GLIS1: variants seen among roughly 807,000 people sequenced by gnomAD.
GLIS1 encodes zinc finger protein GLIS1.
Under a neutral mutation model 63.8 loss-of-function variants are expected in GLIS1, and 24 were observed. That is an observed-to-expected ratio of 0.38 (90% confidence interval 0.27 to 0.53). The LOEUF is 0.53. Among genes scored for constraint, GLIS1 ranks in the 20% least tolerant of loss-of-function variants. The pLI, the probability that GLIS1 is intolerant of heterozygous loss-of-function variation, is 0.85. For missense variants in GLIS1, 1,036 were observed against 1,074.1 expected (o/e 0.96, Z 0.50); for synonymous variants, 450 against 482.5 (o/e 0.93, Z 0.88).
chr1:53,637,009 C>T (rs750613244), intron 2 of GLIS1, among the ~76,000 whole-genome samples: 6 of 152,220 alleles, frequency 3.9e-5, no homozygotes, highest in Non-Finnish European at 7.3e-5. Flanking sequence ...TGCTGCAGGA[C>T]GTGAGGGTGA....
intron 4 of GLIS1, among the ~76,000 whole-genome samples, chr1:53,588,208 G>C (rs762945674): frequency 6.6e-6 from 1 of 152,094 alleles, no homozygotes; most frequent in Non-Finnish European, 1.5e-5. Flanking sequence ...TCCCCTCCCT[G>C]TCTCCATCAT....
Position 53,657,561 on chromosome 1 carries a change from G to C in GLIS1, c.260-57283C>G, listed in dbSNP as rs1398591189. 2.0e-5 allele frequency among the ~76,000 whole-genome samples: 3 copies of C among 152,130 alleles called. No individual in the cohort carries two copies. In the East Asian group the frequency reaches 5.8e-4, roughly 29 times the overall value. On this transcript the variant is annotated intron_variant, in intron 2 of 10. Coordinates refer to ENST00000628545, the MANE Select transcript of GLIS1 (RefSeq NM_001367484.1). ...TTCCCTCTTGGTTTCCTGGAGCCCT[G>C]AGCTACCACGTGAGAAGCCTGATGC...
chr1:53,655,315 C>T lies in GLIS1; in HGVS notation c.260-55037G>A, dbSNP rs141416115. Among the ~76,000 whole-genome samples the T allele has an allele frequency of 4.5e-3, 688 of 152,278 alleles. 2 individuals carry two copies. Among genetic ancestry groups the T allele is most frequent in the African/African-American group, 0.016 (660 of 41,540 alleles). ...GAGGTTTGATAATCACTGCTCTAGA[C>T]GAGTTGTCTCCAACTTTTTTGATCT... On this transcript the variant is annotated intron_variant, in intron 2 of 10. Transcript: ENST00000628545.
chr1:53,594,575 T>C lies in GLIS1; in HGVS notation c.853A>G (p.Thr285Ala), dbSNP rs4307514. Residue 285 changes from threonine (T) to alanine (A), a missense_variant, in exon 4 of 11, where the codon ACG (threonine) becomes GCG (alanine). Physicochemically the swap from Thr to Ala is moderately conservative, Grantham distance 58. Coordinates refer to ENST00000628545, the MANE Select transcript of GLIS1 (RefSeq NM_001367484.1). The part of the protein sequence containing the change: ...CVNGLRSPPL[T>A]GDLGGPSKRA... ...TTGGAAGGGCCCCCCAGATCTCCCG[T>C]CAGAGGGGGGCTCCGGAGTCCATTT... 487,802 of 1,595,340 alleles carry C rather than the reference T, an allele frequency of 0.31. 78,347 individuals carry two copies. Among genetic ancestry groups the C allele is most frequent in the South Asian group, 0.37 (33,153 of 90,224 alleles).
At chr1:53,659,879 G>A (rs576419208) in intron 2 of GLIS1, among the ~76,000 whole-genome samples, 1 of 152,322 alleles carries the variant, frequency 6.6e-6, no homozygotes, top group East Asian at 1.9e-4. Flanking sequence ...TGTGCTTCAA[G>A]GGCTCAATAA....
intron 2 of GLIS1, among the ~76,000 whole-genome samples, chr1:53,686,306 C>A (rs1038550808): frequency 6.6e-6 from 1 of 152,226 alleles, no homozygotes; most frequent in African/African-American, 2.4e-5. Flanking sequence ...CCCTTGTTAT[C>A]TTTCAGCTCC....
chr1:53,685,428 C>T (rs1372581911), intron 2 of GLIS1, among the ~76,000 whole-genome samples: 1 of 152,236 alleles, frequency 6.6e-6, no homozygotes, highest in African/African-American at 2.4e-5. Flanking sequence ...GTGTACATTC[C>T]TCCGTAATGA....
chr1:53,713,066 G>A (rs1332084602), intron 2 of GLIS1, among the ~76,000 whole-genome samples: 2 of 152,268 alleles, frequency 1.3e-5, no homozygotes, highest in Admixed American at 6.5e-5. Context: ...GAACAGAGAC[G>A]TTGTAGAAAG....
chr1:53,513,923 G>A (rs113508060), intron 8 of GLIS1, among the ~76,000 whole-genome samples: 31 of 152,360 alleles, frequency 2.0e-4, no homozygotes, highest in African/African-American at 7.2e-4. Flanking sequence ...CCAGGCCTGC[G>A]GGGACAAGGT....
At chr1:53,587,440 C>T (rs1481222182) in intron 4 of GLIS1, among the ~76,000 whole-genome samples, 4 of 152,210 alleles carry the variant, frequency 2.6e-5, no homozygotes, top group Non-Finnish European at 5.9e-5. Context: ...TGAGGATAGA[C>T]TTGGTGGCTT....
At chr1:53,722,951 G>A (rs906987486) in intron 2 of GLIS1, among the ~76,000 whole-genome samples, 2 of 151,796 alleles carry the variant, frequency 1.3e-5, no homozygotes, top group Non-Finnish European at 2.9e-5. Context: ...TGGCCAACAT[G>A]GTGAAACCCC....
In GLIS1 at chr1:53,613,248, C is replaced by A. The variant is rs538073373; in HGVS notation, c.260-12970G>T. 2.6e-5 allele frequency among the ~76,000 whole-genome samples: 4 copies of A among 152,290 alleles called. No individual in the cohort carries two copies. The East Asian group carries it at 5.8e-4, about 22-fold the overall frequency. On this transcript the variant is annotated intron_variant, in intron 2 of 10. Coordinates refer to ENST00000628545, the MANE Select transcript of GLIS1 (RefSeq NM_001367484.1). ...TTTTAATGACTCTATAGATTCCATT[C>A]TATGGTTGTACATATTTAATTTTTC... is the stretch of plus-strand genomic sequence containing the variant.
At chr1:53,715,228 T>C (rs752008166) in intron 2 of GLIS1, among the ~76,000 whole-genome samples, 2 of 152,204 alleles carry the variant, frequency 1.3e-5, no homozygotes, top group Non-Finnish European at 2.9e-5. Context: ...TCTTCATTCT[T>C]GAGTAAAATA....
chr1:53,691,452 T>G (rs1646404358), intron 2 of GLIS1, among the ~76,000 whole-genome samples: 1 of 152,160 alleles, frequency 6.6e-6, no homozygotes, highest in Non-Finnish European at 1.5e-5. Flanking sequence ...CTGGACTCCA[T>G]GAGCAGAATC....
intron 2 of GLIS1, among the ~76,000 whole-genome samples, chr1:53,661,765 G>A (rs1646031415): frequency 6.6e-6 from 1 of 152,200 alleles, no homozygotes; most frequent in Admixed American, 6.5e-5. Flanking sequence ...CTACCGCACG[G>A]CAAGTAGCAG....
intron 7 of GLIS1, among the ~76,000 whole-genome samples, chr1:53,515,582 G>T (rs499749): frequency 0.071 from 10,835 of 151,776 alleles, 1,176 homozygotes; most frequent in African/African-American, 0.23. Context: ...TTTTACCCCC[G>T]AAAGTCTTAC....
chr1:53,516,024 C>T (rs1644349182), intron 7 of GLIS1, among the ~76,000 whole-genome samples: 2 of 152,134 alleles, frequency 1.3e-5, no homozygotes. Flanking sequence ...GAAATCCATG[C>T]ATCCAGCAGA....
intron 4 of GLIS1, among the ~76,000 whole-genome samples, chr1:53,579,755 C>T (rs1386067387): frequency 6.6e-6 from 1 of 152,212 alleles, no homozygotes; most frequent in East Asian, 1.9e-4. Flanking sequence ...ATCATCACAC[C>T]CCAGGGTGTG....
chr1:53,509,313 C>A (rs1644272534), intron 9 of GLIS1, 26 bp from the exon 10 acceptor site: 1 of 1,541,762 alleles, frequency 6.5e-7, no homozygotes, highest in Non-Finnish European at 8.8e-7. Context: ...GCAGGGGCCG[C>A]GTTCACAAAG....
Sources: gnomAD v4.1 joint callset for allele counts (sites outside exome capture counted in the v4.1 genomes callset) on GRCh38, gnomAD v4.1.1 for gene constraint, MANE v1.5 for transcripts, NCBI Gene and HGNC (gene_info 2026-07-23, HGNC 2026-07-21) for gene names.